The following SRPK2 variants were observed in gnomAD, a reference collection of about 807,000 sequenced individuals.
SRPK2 encodes SFRS protein kinase 2.
A neutral mutation model predicts 90.8 loss-of-function variants in SRPK2; 21 were observed. The ratio of observed to expected loss-of-function variants is 0.23; its 90% CI spans 0.16 to 0.33. The LOEUF (loss-of-function observed/expected upper bound fraction) is 0.33, where lower values mean the gene tolerates loss of function less well. SRPK2 is among the 10% of genes least tolerant of loss of function. The pLI is 1.00. For missense variants in SRPK2, 620 were observed against 869.0 expected, an observed-to-expected ratio of 0.71 and a Z score of 3.60; for synonymous variants, 288 against 311.1, an observed-to-expected ratio of 0.93 and a Z score of 0.78.
chr7:105,116,451 C>CACTT lies in SRPK2; in HGVS notation c.*1383_*1386dup, dbSNP rs1209065381. 6.6e-6 allele frequency: 1 copy of CACTT among 152,050 alleles called. No individual in the cohort carries two copies. Among genetic ancestry groups the CACTT allele is most frequent in the East Asian group, 1.9e-4 (1 of 5,194 alleles). The allele number at this position is 152,050 out of a possible 1,614,324, so 9.4% of individuals were successfully genotyped here. On this transcript the variant is annotated 3_prime_UTR_variant, in exon 16 of 16. Transcript: ENST00000393651. ...CTCAAACAATGGATTATTGTTACAA[C>CACTT]ACTTGTTAGCTTTTCACAATCTAGT...
intron 2 of SRPK2, among the ~76,000 whole-genome samples, chr7:105,317,987 G>C (rs1812493635): frequency 6.6e-6 from 1 of 152,122 alleles, no homozygotes; most frequent in South Asian, 2.1e-4. Flanking sequence ...CTAAACTCAA[G>C]CAATCCACCC....
At chr7:105,158,499 C>T (rs779790890) in intron 7 of SRPK2, among the ~76,000 whole-genome samples, 27 of 152,098 alleles carry the variant, frequency 1.8e-4, no homozygotes, top group Non-Finnish European at 3.5e-4. Flanking sequence ...GTGATCCACC[C>T]GCCTTGGCCG....
At chr7:105,244,137 A>G (rs1174900486) in intron 2 of SRPK2, among the ~76,000 whole-genome samples, 1 of 152,256 alleles carries the variant, frequency 6.6e-6, no homozygotes, top group Non-Finnish European at 1.5e-5. Flanking sequence ...CAGGCCAACC[A>G]AAACCACTGT....
chr7:105,397,116 C>T (rs955299720), intron 1 of SRPK2, among the ~76,000 whole-genome samples: 1 of 151,982 alleles, frequency 6.6e-6, no homozygotes, highest in African/African-American at 2.4e-5. Context: ...CTCATGGGTA[C>T]AAGCAATTCT....
intron 2 of SRPK2, among the ~76,000 whole-genome samples, chr7:105,305,731 G>GA (rs916082592): frequency 2.6e-5 from 4 of 152,004 alleles, no homozygotes. Flanking sequence ...ACAGGAGGGG[G>GA]AAAAAAAGCA....
intron 2 of SRPK2, among the ~76,000 whole-genome samples, chr7:105,306,949 T>C (rs1169679058): frequency 2.6e-5 from 4 of 152,228 alleles, no homozygotes; most frequent in African/African-American, 9.6e-5. Flanking sequence ...AGAACTCTAG[T>C]TCTGAATAGA....
Position 105,133,081 on chromosome 7 carries a change from A to G in SRPK2, c.1567T>C (p.Leu523=). 2 of 1,614,190 alleles carry G rather than the reference A, an allele frequency of 1.2e-6. No homozygotes were observed. Among genetic ancestry groups the G allele is most frequent in the Non-Finnish European group, 8.5e-7 (1 of 1,180,018 alleles). The change falls in exon 12 of 16, where the codon TTG becomes CTG. Residue 523 remains leucine (L), a synonymous_variant. Coordinates refer to ENST00000393651, the MANE Select transcript of SRPK2 (RefSeq NM_182692.3). ...PKAKTRAADL[L]VNPLDPRNAD... is the part of the protein sequence containing the mutation. ...TTCCGCGGATCCAGGGGATTCACCA[A>G]CAAGTCAGCTGCCCGGGTTTTTGCT...
At chr7:105,121,460 A>G (rs1466946003) in intron 15 of SRPK2, among the ~76,000 whole-genome samples, 3 of 152,060 alleles carry the variant, frequency 2.0e-5, no homozygotes, top group East Asian at 3.8e-4. Context: ...AACTGTGACA[A>G]TTTTAGTTTC....
At chr7:105,287,281 A>G (rs994100740) in intron 2 of SRPK2, among the ~76,000 whole-genome samples, 101 of 76,488 alleles carry the variant, frequency 1.3e-3, no homozygotes, top group African/African-American at 4.3e-3. Context: ...AAAAAAAAAA[A>G]AAAGAAGAAA....
chr7:105,176,621 G>GTGTGTATATA (rs148629862), intron 3 of SRPK2, among the ~76,000 whole-genome samples: 25 of 147,658 alleles, frequency 1.7e-4, no homozygotes, highest in East Asian at 9.8e-4. Flanking sequence ...ATACGTGTGT[G>GTGTGTATATA]TATATATATA....
At chr7:105,262,043 C>T (rs1032448978) in intron 2 of SRPK2, among the ~76,000 whole-genome samples, 1 of 152,110 alleles carries the variant, frequency 6.6e-6, no homozygotes, top group African/African-American at 2.4e-5. Flanking sequence ...AAGGGGAAGA[C>T]AGCTGAAAGG....
At chr7:105,220,074 TAA>T (rs1240469026) in intron 2 of SRPK2, among the ~76,000 whole-genome samples, 1 of 152,150 alleles carries the variant, frequency 6.6e-6, no homozygotes, top group Non-Finnish European at 1.5e-5. Context: ...GACTTAATCA[TAA>T]AAAATGAAAT....
At chr7:105,220,512 G>A (rs973408017) in intron 2 of SRPK2, among the ~76,000 whole-genome samples, 8 of 152,004 alleles carry the variant, frequency 5.3e-5, no homozygotes, top group African/African-American at 1.7e-4. Flanking sequence ...GCGACAGAGC[G>A]AGACTCCATC....
At chr7:105,240,716 G>A (rs980498988) in intron 2 of SRPK2, among the ~76,000 whole-genome samples, 4 of 152,124 alleles carry the variant, frequency 2.6e-5, no homozygotes, top group Non-Finnish European at 5.9e-5. Flanking sequence ...AGATCTACAG[G>A]TGATGAGAAA....
chr7:105,241,079 A>G (rs973198377), intron 2 of SRPK2, among the ~76,000 whole-genome samples: 3 of 152,208 alleles, frequency 2.0e-5, no homozygotes, highest in Non-Finnish European at 4.4e-5. Context: ...ATTAGCTTTA[A>G]AAGAGGCTGC....
chr7:105,139,519 T>G (rs1439882934), intron 11 of SRPK2, among the ~76,000 whole-genome samples: 1 of 152,152 alleles, frequency 6.6e-6, no homozygotes, highest in African/African-American at 2.4e-5. Context: ...AAAGTTGTAT[T>G]CTGGTTTTGG....
intron 2 of SRPK2, among the ~76,000 whole-genome samples, chr7:105,352,627 T>A (rs769821537): frequency 1.3e-5 from 2 of 152,242 alleles, no homozygotes; most frequent in Non-Finnish European, 2.9e-5. Context: ...GGGCTGGGTG[T>A]GGTGGCTCAC....
chr7:105,331,515 A>G (rs1204065), intron 2 of SRPK2, among the ~76,000 whole-genome samples: 10 of 152,092 alleles, frequency 6.6e-5, no homozygotes, highest in African/African-American at 1.2e-4. Flanking sequence ...GTAAAGAGAC[A>G]AGAGAGATGA....
chr7:105,228,789 G>C (rs1277561434), intron 2 of SRPK2, among the ~76,000 whole-genome samples: 1 of 152,208 alleles, frequency 6.6e-6, no homozygotes, highest in Non-Finnish European at 1.5e-5. Context: ...CCTCACCTGG[G>C]CGCTGCGAGA....
Sources: gnomAD v4.1 joint callset for allele counts (sites outside exome capture counted in the v4.1 genomes callset) on GRCh38, gnomAD v4.1.1 for gene constraint, MANE v1.5 for transcripts, NCBI Gene and HGNC (gene_info 2026-07-23, HGNC 2026-07-21) for gene names.